Variants in CCDC3 observed in about 807,000 individuals in gnomAD.
CCDC3 encodes coiled-coil domain-containing protein 3.
CCDC3 carries 24 observed loss-of-function variants against 21.4 expected under a neutral mutation model. The ratio of observed to expected loss-of-function variants is 1.12; its 90% CI spans 0.81 to 1.58. CCDC3 has a LOEUF of 1.58. Ranked by LOEUF, CCDC3 falls within the 40% of genes most tolerant of loss-of-function variation. CCDC3 has a pLI of 0.00. For missense variants in CCDC3, 425 were observed against 360.9 expected (o/e 1.18, Z -1.44); for synonymous variants, 186 against 166.0 (o/e 1.12, Z -0.93).
rs569757976 is a variant in CCDC3 at position 13,042,690 on chromosome 10, C to T, written c.-2+6984G>A. Among the ~76,000 whole-genome samples the T allele has an allele frequency of 7.2e-4, 110 of 151,984 alleles. No individual in the cohort carries two copies. In the Middle Eastern group the frequency reaches 0.014, roughly 19 times the overall value. On this transcript the variant is annotated intron_variant, in intron 5 of 6. Transcript: ENST00000378839. ...TTGGGAGGCTGAGGTGGGCGGATCA[C>T]GAGGTCAGGAGATCGAGACCATCCT...
At chr10:13,049,290 A>G (rs1287021190) in intron 5 of CCDC3, among the ~76,000 whole-genome samples, 1 of 152,218 alleles carries the variant, frequency 6.6e-6, no homozygotes, top group Non-Finnish European at 1.5e-5. Flanking sequence ...TGCTGGGGGG[A>G]AAAAGCCTGT....
intron 5 of CCDC3, among the ~76,000 whole-genome samples, chr10:13,022,906 A>G (rs1717751660): frequency 6.6e-6 from 1 of 152,246 alleles, no homozygotes; most frequent in African/African-American, 2.4e-5. Flanking sequence ...CTTGAAATAT[A>G]GGCCAAGCCA....
intron 2 of CCDC3, among the ~76,000 whole-genome samples, chr10:12,952,698 C>T (rs1368932773): frequency 6.6e-6 from 1 of 152,152 alleles, no homozygotes; most frequent in Non-Finnish European, 1.5e-5. Flanking sequence ...TCAGTGTTCT[C>T]TGCCTGAGAT....
upstream of CCDC3, among the ~76,000 whole-genome samples, chr10:13,003,711 G>A (rs1210738109): frequency 6.6e-6 from 1 of 152,170 alleles, no homozygotes; most frequent in African/African-American, 2.4e-5. Context: ...GCCTGGAAAA[G>A]ATTTGTCTAC....
At chr10:12,984,044 C>T (rs934179229) in intron 2 of CCDC3, among the ~76,000 whole-genome samples, 3 of 152,192 alleles carry the variant, frequency 2.0e-5, no homozygotes, top group Non-Finnish European at 4.4e-5. Flanking sequence ...CGTGCCACTG[C>T]ACTCTAGCCT....
intron 4 of CCDC3, among the ~76,000 whole-genome samples, chr10:13,073,713 G>T (rs1042020098): frequency 6.6e-6 from 1 of 151,826 alleles, no homozygotes; most frequent in Non-Finnish European, 1.5e-5. Flanking sequence ...TCTCCAACTC[G>T]TGAGCTCAAG....
intron 2 of CCDC3, among the ~76,000 whole-genome samples, chr10:12,941,998 C>T (rs999996650): frequency 1.3e-5 from 2 of 152,128 alleles, no homozygotes; most frequent in African/African-American, 4.8e-5. Context: ...TTAAATGGGC[C>T]TTTACCTATA....
chr10:13,010,763 C>G (rs1020670334), intron 5 of CCDC3, among the ~76,000 whole-genome samples: 1 of 152,202 alleles, frequency 6.6e-6, no homozygotes, highest in Non-Finnish European at 1.5e-5. Flanking sequence ...TTAAACACTA[C>G]TCATCAATAG....
At chr10:12,917,534 G>A (rs1200242229) in intron 2 of CCDC3, among the ~76,000 whole-genome samples, 1 of 152,122 alleles carries the variant, frequency 6.6e-6, no homozygotes, top group Non-Finnish European at 1.5e-5. Context: ...GAGATACTGT[G>A]ATCTCTCACC....
At chr10:13,043,173 G>A (rs1836484215) in intron 5 of CCDC3, among the ~76,000 whole-genome samples, 2 of 152,098 alleles carry the variant, frequency 1.3e-5, no homozygotes, top group Non-Finnish European at 1.5e-5. Flanking sequence ...TGTCATCCAG[G>A]TAGTAAGCAC....
At chr10:12,968,352 G>C (rs1333627120) in intron 2 of CCDC3, among the ~76,000 whole-genome samples, 1 of 152,088 alleles carries the variant, frequency 6.6e-6, no homozygotes, top group Non-Finnish European at 1.5e-5. Context: ...TCAAAGTATT[G>C]CAGGAAAAAA....
intron 1 of CCDC3, among the ~76,000 whole-genome samples, chr10:12,999,662 T>C (rs898060591): frequency 3.9e-5 from 6 of 152,174 alleles, no homozygotes; most frequent in African/African-American, 1.2e-4. Flanking sequence ...TTTGTAAACA[T>C]GGTAGAGCAA....
intron 4 of CCDC3, among the ~76,000 whole-genome samples, chr10:13,051,574 T>C (rs1383461481): frequency 6.6e-6 from 1 of 152,204 alleles, no homozygotes; most frequent in African/African-American, 2.4e-5. Flanking sequence ...ATAATTACTC[T>C]TCTTTCAAAA....
chr10:12,981,926 C>G (rs1181143366), intron 2 of CCDC3, among the ~76,000 whole-genome samples: 1 of 151,622 alleles, frequency 6.6e-6, no homozygotes, highest in African/African-American at 2.4e-5. Context: ...AAATCAAGAC[C>G]ATCCTGGCCA....
intron 2 of CCDC3, among the ~76,000 whole-genome samples, chr10:12,980,396 C>T (rs756741383): frequency 2.0e-5 from 3 of 152,178 alleles, no homozygotes; most frequent in African/African-American, 4.8e-5. Flanking sequence ...TCACAGGCTG[C>T]GCTTATTCTA....
chr10:12,912,749 C>G (rs1425323696), intron 2 of CCDC3, among the ~76,000 whole-genome samples: 1 of 152,104 alleles, frequency 6.6e-6, no homozygotes, highest in African/African-American at 2.4e-5. Flanking sequence ...AGTTTCAGGT[C>G]TACGCTTAAG....
chr10:12,909,061 T>TGA (rs1834223084), intron 2 of CCDC3, among the ~76,000 whole-genome samples: 1 of 152,188 alleles, frequency 6.6e-6, no homozygotes, highest in Non-Finnish European at 1.5e-5. Context: ...CTGGTATCCT[T>TGA]GGACACTCAT....
intron 5 of CCDC3, among the ~76,000 whole-genome samples, chr10:13,030,213 A>T (rs950027253): frequency 6.6e-6 from 1 of 152,230 alleles, no homozygotes; most frequent in African/African-American, 2.4e-5. Flanking sequence ...AAGAATTTTC[A>T]ACCCAGAATT....
intron 2 of CCDC3, among the ~76,000 whole-genome samples, chr10:12,933,168 G>C (rs145234620): frequency 6.6e-6 from 1 of 152,272 alleles, no homozygotes; most frequent in Admixed American, 6.5e-5. Flanking sequence ...CTGGCTTGTA[G>C]AATGAGTTAG....
Sources: allele counts gnomAD v4.1 joint callset (sites outside exome capture counted in the v4.1 genomes callset), GRCh38; gene constraint gnomAD v4.1.1; transcripts MANE v1.5; gene names NCBI Gene and HGNC (gene_info 2026-07-23, HGNC 2026-07-21).